ADAMTSL1: variants seen among roughly 807,000 people sequenced by gnomAD.
ADAMTSL1 encodes the protein ADAMTS-like protein 1.
A neutral mutation model predicts 201.8 loss-of-function variants in ADAMTSL1; 126 were observed. The ratio of observed to expected loss-of-function variants is 0.62; its 90% CI spans 0.54 to 0.72. The LOEUF (loss-of-function observed/expected upper bound fraction) is 0.72. ADAMTSL1 is among the 30% of genes least tolerant of loss of function. The probability of loss-of-function intolerance (pLI) is 0.00; values close to 1 mark genes in which losing one functional copy is unlikely to be tolerated. For synonymous variants in ADAMTSL1, 1,121 were observed against 903.4 expected, an observed-to-expected ratio of 1.24 and a Z score of -4.32; for missense variants, 2,679 against 2,277.8, an observed-to-expected ratio of 1.18 and a Z score of -3.59.
intron 1 of ADAMTSL1, among the ~76,000 whole-genome samples, chr9:18,485,688 A>G (rs540193543): frequency 6.6e-6 from 1 of 152,208 alleles, no homozygotes; most frequent in African/African-American, 2.4e-5. Context: ...TTGCACGGCA[A>G]AGGCCCAGAA....
rs145186972 is a variant in ADAMTSL1 at position 18,527,208 on chromosome 9, C to T, written c.192-6039C>T. ...TTGCCATAAGTCCGTATTTGAAAAG[C>T]TAGTGATATTCAGGGAAATACAGTA... On this transcript the variant is annotated intron_variant, in intron 2 of 28. Coordinates refer to ENST00000380548, the MANE Select transcript of ADAMTSL1 (RefSeq NM_001040272.6). Among the ~76,000 whole-genome samples, 7 of 152,268 alleles carry T rather than the reference C, an allele frequency of 4.6e-5. No individual in the cohort carries two copies. The East Asian group carries it at 1.2e-3, about 25-fold the overall frequency.
intron 23 of ADAMTSL1, among the ~76,000 whole-genome samples, chr9:18,830,209 C>G (rs1824888546): frequency 6.6e-6 from 1 of 152,148 alleles, no homozygotes; most frequent in African/African-American, 2.4e-5. Context: ...AATATGGCTC[C>G]TTTCTGAATC....
intron 19 of ADAMTSL1, among the ~76,000 whole-genome samples, chr9:18,779,031 G>T (rs1041673850): frequency 6.6e-6 from 1 of 152,248 alleles, no homozygotes; most frequent in Non-Finnish European, 1.5e-5. Flanking sequence ...AAAGAAGCCA[G>T]CATTTATTGT....
At position 18,066,421 on chromosome 9, in the gene ADAMTSL1, C is replaced by T. The variant is rs949357246; in HGVS notation, c.88-97441C>T. On this transcript the variant is annotated intron_variant, in intron 1 of 29. Coordinates refer to the ADAMTSL1 transcript ENST00000680146. ...TTATATCTAATTAACTTTAAGTTGACTTAAAAGTATCTAAAATATTCTTTA... is the reference window on the plus strand; with the variant it reads ...TTATATCTAATTAACTTTAAGTTGATTTAAAAGTATCTAAAATATTCTTTA... 2.6e-5 allele frequency among the ~76,000 whole-genome samples: 4 copies of T among 152,144 alleles called. No individual in the cohort carries two copies. The South Asian group carries it at 6.2e-4, about 24-fold the overall frequency.
intron 9 of ADAMTSL1, among the ~76,000 whole-genome samples, chr9:18,663,158 A>G (rs1829210329): frequency 6.6e-6 from 1 of 152,106 alleles, no homozygotes; most frequent in Non-Finnish European, 1.5e-5. Context: ...CTTGAGGTGT[A>G]TATTCCTCTA....
At position 18,908,568 on chromosome 9, in the gene ADAMTSL1, ACT is replaced by A; in HGVS notation, c.*23_*24del. On this transcript the variant is annotated 3_prime_UTR_variant, in exon 29 of 29. Coordinates refer to ENST00000380548, the MANE Select transcript of ADAMTSL1 (RefSeq NM_001040272.6). ...GCGTGAAGATAGGGTGTGGGGAAAA[ACT>A]CTACCCTGGCCACACGAAGGACTCA... 6.5e-7 allele frequency: 1 copy of A among 1,544,790 alleles called. No homozygotes were observed. Among genetic ancestry groups the A allele is most frequent in the Non-Finnish European group, 8.8e-7 (1 of 1,141,062 alleles).
At chr9:18,179,169 A>G (rs1828328540) in intron 2 of ADAMTSL1, among the ~76,000 whole-genome samples, 1 of 152,168 alleles carries the variant, frequency 6.6e-6, no homozygotes, top group Admixed American at 6.5e-5. Context: ...ACCAATACAG[A>G]GAAGTGCTTA....
chr9:17,935,412 A>G (rs1826963831), intron 1 of ADAMTSL1, among the ~76,000 whole-genome samples: 1 of 152,052 alleles, frequency 6.6e-6, no homozygotes, highest in Non-Finnish European at 1.5e-5. Flanking sequence ...GATTATCTAG[A>G]TTTGTATCTG....
At chr9:17,976,331 C>T (rs1169055647) in intron 1 of ADAMTSL1, among the ~76,000 whole-genome samples, 3 of 151,920 alleles carry the variant, frequency 2.0e-5, no homozygotes, top group East Asian at 3.9e-4. Flanking sequence ...GGCAATTTAA[C>T]AGTATTAAGT....
intron 19 of ADAMTSL1, among the ~76,000 whole-genome samples, chr9:18,791,555 T>C (rs1329198188): frequency 6.6e-6 from 1 of 152,018 alleles, no homozygotes; most frequent in Non-Finnish European, 1.5e-5. Flanking sequence ...AAACATGAGA[T>C]TCTACTTCAA....
intron 23 of ADAMTSL1, among the ~76,000 whole-genome samples, chr9:18,852,007 C>T (rs1182408649): frequency 6.6e-6 from 1 of 152,186 alleles, no homozygotes; most frequent in African/African-American, 2.4e-5. Flanking sequence ...TAACCACTGC[C>T]TGACCATCAC....
At chr9:18,091,633 T>C (rs970956862) in intron 1 of ADAMTSL1, among the ~76,000 whole-genome samples, 3 of 152,196 alleles carry the variant, frequency 2.0e-5, no homozygotes, top group African/African-American at 7.2e-5. Context: ...TGTATCCTTG[T>C]CCATGTCACT....
intron 4 of ADAMTSL1, among the ~76,000 whole-genome samples, chr9:18,577,199 G>A (rs1822790031): frequency 6.6e-6 from 1 of 152,174 alleles, no homozygotes; most frequent in Admixed American, 6.5e-5. Context: ...AAAGACATGA[G>A]TTGGGGCCAG....
chr9:18,512,876 A>C (rs887993372), intron 2 of ADAMTSL1, among the ~76,000 whole-genome samples: 2 of 152,170 alleles, frequency 1.3e-5, no homozygotes, highest in Non-Finnish European at 2.9e-5. Context: ...TGGCTTTTAA[A>C]CAGTATATGC....
intron 2 of ADAMTSL1, among the ~76,000 whole-genome samples, chr9:18,180,457 C>T (rs201681239): frequency 0.031 from 4,517 of 143,456 alleles, 97 homozygotes; most frequent in Middle Eastern, 0.052. Context: ...GGCGTGAACC[C>T]GGGAGGCGGA....
chr9:18,219,714 C>A (rs527846698), intron 2 of ADAMTSL1, among the ~76,000 whole-genome samples: 2 of 152,186 alleles, frequency 1.3e-5, no homozygotes, highest in African/African-American at 4.8e-5. Flanking sequence ...AAATTTTTTC[C>A]CATAAATACT....
intron 15 of ADAMTSL1, among the ~76,000 whole-genome samples, chr9:18,751,128 G>A (rs1433808): frequency 0.2 from 31,152 of 152,174 alleles, 3,487 homozygotes; most frequent in Middle Eastern, 0.29. Flanking sequence ...GGCAAAGAAT[G>A]TATGGATGTA....
intron 26 of ADAMTSL1, among the ~76,000 whole-genome samples, chr9:18,900,082 A>G (rs10963826): frequency 0.081 from 12,273 of 152,284 alleles, 624 homozygotes; most frequent in Middle Eastern, 0.2. Flanking sequence ...ACTTAAAAAA[A>G]TTTACAAGAA....
intron 23 of ADAMTSL1, among the ~76,000 whole-genome samples, chr9:18,847,600 A>C (rs1386685888): frequency 2.0e-5 from 3 of 152,250 alleles, no homozygotes; most frequent in African/African-American, 7.2e-5. Context: ...TCACTGAGAA[A>C]GCAGTTCTTG....
Sources: allele counts gnomAD v4.1 joint callset (sites outside exome capture counted in the v4.1 genomes callset), GRCh38; gene constraint gnomAD v4.1.1; transcripts MANE v1.5; gene names NCBI Gene and HGNC (gene_info 2026-07-23, HGNC 2026-07-21).